SHROOM2: variants seen among roughly 807,000 people sequenced by gnomAD.
SHROOM2 encodes protein Shroom2.
SHROOM2 carries 33 observed loss-of-function variants against 75.9 expected under a neutral mutation model. That is an observed-to-expected ratio of 0.43 (90% CI 0.33 to 0.58). The LOEUF (loss-of-function observed/expected upper bound fraction) is 0.58, where lower values mean the gene tolerates loss of function less well. SHROOM2 is among the 20% of genes least tolerant of loss of function. SHROOM2 has a pLI of 0.04. For synonymous variants in SHROOM2, 655 were observed against 663.6 expected (o/e 0.99, Z 0.20); for missense variants, 1,434 against 1,461.2 (o/e 0.98, Z 0.30).
chrX:9,894,855 C>G lies in SHROOM2; in HGVS notation c.947C>G (p.Pro316Arg). The change falls in exon 4 of 10, where the codon CCT becomes CGT. Residue 316 changes from proline to arginine, a missense_variant. Physicochemically the swap from Pro to Arg is moderately radical, Grantham distance 103. This residue lies in a region of SHROOM2 where 1,340 missense variants were observed against 1,338.3 expected (regional missense o/e 1.00). Coordinates refer to ENST00000380913, the MANE Select transcript of SHROOM2 (RefSeq NM_001649.4). ...AAGAAAGCACCATCATCCCCACCTC[C>G]TCCCCCTCCCCCTCTCCGCAGTGAC... ...DKKKAPSSPP[P>R]PPPPLRSDSF... 3 of 1,210,877 alleles carry G rather than the reference C, an allele frequency of 2.5e-6. No homozygotes were observed. The highest frequency in any genetic ancestry group is 1.7e-5 in the African/African-American group (1 of 57,899).
intron 1 of SHROOM2, among the ~76,000 whole-genome samples, chrX:9,800,298 C>T (rs1753812834): frequency 9.0e-6 from 1 of 111,269 alleles, no homozygotes; most frequent in African/African-American, 3.3e-5. Context: ...TCATGGGACA[C>T]CTTAGCTAGG....
intron 7 of SHROOM2, among the ~76,000 whole-genome samples, chrX:9,938,947 CTTAT>C (rs2084741909): frequency 1.8e-5 from 2 of 112,668 alleles, no homozygotes; most frequent in Non-Finnish European, 3.8e-5. Context: ...GATATTCCTG[CTTAT>C]TTGAGTTTTT....
chrX:9,947,090 T>C lies in SHROOM2; in HGVS notation c.*153T>C. 1.8e-6 allele frequency: 1 copy of C among 566,069 alleles called. No homozygotes were observed. Among genetic ancestry groups the C allele is most frequent in the Middle Eastern group, 5.6e-4 (1 of 1,790 alleles). 46.7% of individuals were successfully genotyped at this position (566,069 alleles called of 1,213,427 possible). ...TTATAAAAGCAATAACTTTTGTGTT[T>C]GTGTGGGATGATTTATTTAATTTTT... On this transcript the variant is annotated 3_prime_UTR_variant, in exon 10 of 10. Coordinates refer to ENST00000380913, the MANE Select transcript of SHROOM2 (RefSeq NM_001649.4).
chrX:9,925,874 GCT>G (rs1436728571), intron 5 of SHROOM2, among the ~76,000 whole-genome samples: 1 of 112,360 alleles, frequency 8.9e-6, no homozygotes, highest in Non-Finnish European at 1.9e-5. Context: ...GTTGCCCAGA[GCT>G]CTCTTGGCAC....
At chrX:9,863,604 AT>A (rs5901420) in intron 1 of SHROOM2, among the ~76,000 whole-genome samples, 1 of 100,640 alleles carries the variant, frequency 9.9e-6, no homozygotes, top group African/African-American at 3.6e-5. Context: ...GTTATTTATT[AT>A]TTTTTTTTGG....
At position 9,944,807 on chromosome X, in the gene SHROOM2, G is replaced by T; in HGVS notation, c.4478G>T (p.Gly1493Val). Reference sequence around the variant, plus strand: ...TTTGACAAGTTCCGGATGTTCATTGGAGACCTGGACAAAGTGGTGAACCTC... The same window carrying T: ...TTTGACAAGTTCCGGATGTTCATTGTAGACCTGGACAAAGTGGTGAACCTC... ...SEFDKFRMFI[G>V]DLDKVVNLLL... Residue 1493 changes from glycine (G) to valine (V), a missense_variant, in exon 9 of 10, where the codon GGA (glycine) becomes GTA (valine). By Grantham distance (109) the Gly-to-Val change is moderately radical. This residue lies in a region of SHROOM2 where 14 missense variants were observed against 34.5 expected (regional missense o/e 0.41). Coordinates refer to ENST00000380913, the MANE Select transcript of SHROOM2 (RefSeq NM_001649.4). 1 of 1,212,368 alleles carries T rather than the reference G, an allele frequency of 8.2e-7. No homozygotes were observed. Among genetic ancestry groups the T allele is most frequent in the Non-Finnish European group, 1.1e-6 (1 of 895,578 alleles).
At chrX:9,837,619 G>A (rs1482545506) in intron 1 of SHROOM2, among the ~76,000 whole-genome samples, 3 of 112,413 alleles carry the variant, frequency 2.7e-5, no homozygotes, top group Non-Finnish European at 5.6e-5. Flanking sequence ...CTCTGAGACC[G>A]TTCCTTGTCT....
intron 5 of SHROOM2, among the ~76,000 whole-genome samples, chrX:9,930,311 T>A (rs936250155): frequency 1.8e-5 from 2 of 108,517 alleles, no homozygotes; most frequent in Admixed American, 2.0e-4. Context: ...AGTCCAGGAG[T>A]TTGAGACCAG....
intron 1 of SHROOM2, among the ~76,000 whole-genome samples, chrX:9,808,874 A>C (rs941551347): frequency 3.6e-5 from 4 of 111,000 alleles, no homozygotes; most frequent in Non-Finnish European, 7.5e-5. Flanking sequence ...AAAAAAAATA[A>C]TAAAAATAAA....
chrX:9,815,606 A>ATCTATATCTAT (rs201276026), intron 1 of SHROOM2, among the ~76,000 whole-genome samples: 1 of 108,306 alleles, frequency 9.2e-6, no homozygotes, highest in Non-Finnish European at 1.9e-5. Flanking sequence ...CTATATCTAT[A>ATCTATATCTAT]AAGGGGAGTT....
rs2084837947 is a variant in SHROOM2 at position 9,948,052 on chromosome X, A to C, written c.*1115A>C. 8.9e-6 allele frequency: 1 copy of C among 111,840 alleles called. No individual in the cohort carries two copies. Among genetic ancestry groups the C allele is most frequent in the Non-Finnish European group, 1.9e-5 (1 of 53,293 alleles). The allele number at this position is 111,840 out of a possible 1,213,427, so 9.2% of individuals were successfully genotyped here. On this transcript the variant is annotated 3_prime_UTR_variant, in exon 10 of 10. Transcript: ENST00000380913. ...AAACACTGTCATGCTGTCAGTTCCC[A>C]ATTGACAAGTCACAGACTGGGAGAA...
chrX:9,948,350 T>C lies in SHROOM2; in HGVS notation c.*1413T>C, dbSNP rs764119271. The C allele has an allele frequency of 5.3e-5, 6 of 113,029 alleles. No individual in the cohort carries two copies. In the South Asian group the frequency reaches 2.2e-3, roughly 41 times the overall value. The allele number at this position is 113,029 out of a possible 1,213,427, so 9.3% of individuals were successfully genotyped here. A position where few individuals can be genotyped will look rare whatever the true frequency, so the allele number is the denominator to read the frequency against. On this transcript the variant is annotated 3_prime_UTR_variant, in exon 10 of 10. Coordinates refer to ENST00000380913, the MANE Select transcript of SHROOM2 (RefSeq NM_001649.4). Reference sequence around the variant, plus strand: ...CAAAAAATGTTTAATTAAATGCATGTTAATGGTGAGTGAATCCCTTGGGTG... The same window carrying C: ...CAAAAAATGTTTAATTAAATGCATGCTAATGGTGAGTGAATCCCTTGGGTG...
intron 5 of SHROOM2, among the ~76,000 whole-genome samples, chrX:9,909,167 T>A (rs6530344): frequency 0.45 from 48,519 of 108,716 alleles, 9,157 homozygotes; most frequent in East Asian, 0.84. Flanking sequence ...TACACCCATA[T>A]GTAAACCCAG....
Position 9,885,950 on chromosome X carries a change from CAA to C in SHROOM2, c.318-5010_318-5009del, listed in dbSNP as rs35651225. 0.012 allele frequency among the ~76,000 whole-genome samples: 586 copies of C among 48,114 alleles called. 14 individuals are homozygous for C. In the East Asian group the frequency reaches 0.13, roughly 11 times the overall value. 41.8% of individuals were successfully genotyped at this position (48,114 alleles called of 115,157 possible). On this transcript the variant is annotated intron_variant, in intron 2 of 9. Coordinates refer to ENST00000380913, the MANE Select transcript of SHROOM2 (RefSeq NM_001649.4). ...CCTGGGTGGCAGAGGGAGAGCCTGTCAAAAAAAAAAAAAAAAAAGCCACAATT... is the reference window on the plus strand; with the variant it reads ...CCTGGGTGGCAGAGGGAGAGCCTGTCAAAAAAAAAAAAAAAAGCCACAATT...
At chrX:9,793,392 C>T (rs907025235) in intron 1 of SHROOM2, among the ~76,000 whole-genome samples, 22 of 109,087 alleles carry the variant, frequency 2.0e-4, no homozygotes, top group African/African-American at 6.4e-4. Flanking sequence ...GGGGTTCAAG[C>T]GATCCTCCCA....
chrX:9,945,409 C>T (rs755287432), intron 9 of SHROOM2, among the ~76,000 whole-genome samples: 15 of 111,520 alleles, frequency 1.3e-4, no homozygotes, highest in African/African-American at 4.6e-4. Context: ...CTGTGCCTGG[C>T]CTCCTTCCTT....
rs1396280709 is a variant in SHROOM2, at chrX:9,944,853, C to T, written c.4524C>T (p.Arg1508=). 1 of 1,211,344 alleles carries T rather than the reference C, an allele frequency of 8.3e-7. No individual in the cohort carries two copies. Among genetic ancestry groups the T allele is most frequent in the South Asian group, 1.8e-5 (1 of 56,808 alleles). Residue 1508 remains arginine (R), a synonymous_variant, in exon 9 of 10, where the codon CGC becomes CGT. Coordinates refer to ENST00000380913, the MANE Select transcript of SHROOM2 (RefSeq NM_001649.4). ...ACCTCCTGCTGTCGCTGTCAGGCCG[C>T]CTGGCCCGGGTGGAGAATGCCCTCA... is the stretch of plus-strand genomic sequence containing the variant. ...VVNLLLSLSG[R]LARVENALNN...
At chrX:9,921,886 A>T (rs1272132604) in intron 5 of SHROOM2, among the ~76,000 whole-genome samples, 1 of 111,879 alleles carries the variant, frequency 8.9e-6, no homozygotes, top group Admixed American at 9.5e-5. Context: ...CTTGGCATTC[A>T]CAATATAAAT....
intron 2 of SHROOM2, among the ~76,000 whole-genome samples, chrX:9,889,018 T>C (rs2084276130): frequency 8.9e-6 from 1 of 112,065 alleles, no homozygotes; most frequent in Non-Finnish European, 1.9e-5. Flanking sequence ...TAAAGGAAGA[T>C]GAAAGAAGTT....
Sources: allele counts gnomAD v4.1 joint callset (sites outside exome capture counted in the v4.1 genomes callset), GRCh38; gene constraint gnomAD v4.1.1; regional missense constraint gnomAD v4.1.1; transcripts MANE v1.5; gene names NCBI Gene and HGNC (gene_info 2026-07-23, HGNC 2026-07-21).